The following EPB41L3 variants were observed in gnomAD, a reference collection of about 807,000 sequenced individuals.
EPB41L3 encodes erythrocyte membrane protein band 4.1 like 3, also known as band 4.1-like protein 3.
In EPB41L3, 57 loss-of-function variants were observed where a neutral mutation model predicts 127.1. The ratio of observed to expected loss-of-function variants is 0.45; its 90% CI spans 0.36 to 0.56. The LOEUF is 0.56. Among genes scored for constraint, EPB41L3 ranks in the 20% least tolerant of loss-of-function variants. The pLI, the probability that EPB41L3 is intolerant of heterozygous loss-of-function variation, is 0.00. For synonymous variants in EPB41L3, 572 were observed against 549.5 expected (o/e 1.04, Z -0.57); for missense variants, 1,273 against 1,372.2 (o/e 0.93, Z 1.14).
intron 3 of EPB41L3, among the ~76,000 whole-genome samples, chr18:5,455,669 T>C (rs1468374032): frequency 2.0e-5 from 3 of 151,556 alleles, no homozygotes; most frequent in African/African-American, 7.3e-5. Flanking sequence ...AATTTCCGTC[T>C]CTACTTGAAA....
chr18:5,407,009 C>T, intron 15 of EPB41L3, 41 bp from the exon 16 acceptor site: 2 of 1,562,810 alleles, frequency 1.3e-6, no homozygotes. Flanking sequence ...CAATGTTTTA[C>T]ATTTGTGTTC....
chr18:5,629,502 T>C (rs2094964831), upstream of EPB41L3, among the ~76,000 whole-genome samples: 1 of 151,888 alleles, frequency 6.6e-6, no homozygotes, highest in Non-Finnish European at 1.5e-5. Flanking sequence ...TCAGAGCCAC[T>C]GTCCACTTGA....
At position 5,397,666 on chromosome 18, in the gene EPB41L3, G is replaced by T. The variant is rs73375708; in HGVS notation, c.2473-240C>A. ...GCTTCAGGACATCCGCAAAACAAAC[G>T]GAAGGCAGGATAAAGTGCAATTAAC... On this transcript the variant is annotated intron_variant, in intron 17 of 22. Coordinates refer to ENST00000341928, the MANE Select transcript of EPB41L3 (RefSeq NM_012307.5). This position sits in a 1 kb window ranked among gnomAD's most constrained non-coding sequence, Gnocchi z 4.1. Among the ~76,000 whole-genome samples the T allele has an allele frequency of 6.6e-6, 1 of 152,120 alleles. No individual in the cohort carries two copies. The highest frequency in any genetic ancestry group is 1.5e-5 in the Non-Finnish European group (1 of 68,026).
chr18:5,457,961 G>A (rs937622671), intron 3 of EPB41L3, among the ~76,000 whole-genome samples: 4 of 152,066 alleles, frequency 2.6e-5, no homozygotes, highest in Non-Finnish European at 2.9e-5. Context: ...GTTGTGGTCG[G>A]GGTAGCCTAC....
At chr18:5,445,371 G>C (rs1187170984) in intron 3 of EPB41L3, 127 bp from the exon 4 acceptor site, 3 of 718,522 alleles carry the variant, frequency 4.2e-6, no homozygotes, top group East Asian at 2.7e-5. Context: ...CCAACAGTGT[G>C]ATCACATTGC....
intron 16 of EPB41L3, chr18:5,398,630 C>T (rs1411508751): frequency 2.5e-6 from 1 of 401,618 alleles, no homozygotes; most frequent in Non-Finnish European, 4.4e-6. Context: ...AACTGTGGCC[C>T]CAATGAGTGA....
chr18:5,526,337 T>C (rs1015037983), intron 1 of EPB41L3, among the ~76,000 whole-genome samples: 1 of 152,144 alleles, frequency 6.6e-6, no homozygotes, highest in African/African-American at 2.4e-5. Flanking sequence ...GGTCCAGATG[T>C]CCCCACACCT....
At chr18:5,586,396 CT>C (rs1451745982) in intron 3 of EPB41L3, among the ~76,000 whole-genome samples, 5 of 111,650 alleles carry the variant, frequency 4.5e-5, no homozygotes, top group Non-Finnish European at 7.2e-5. Flanking sequence ...TTTTCTTTTT[CT>C]TTTTTGTTTT....
chr18:5,567,990 T>C (rs1258336560), intron 3 of EPB41L3, among the ~76,000 whole-genome samples: 1 of 152,110 alleles, frequency 6.6e-6, no homozygotes, highest in East Asian at 1.9e-4. Flanking sequence ...AATAAAATAT[T>C]TTCAAGCATA....
rs577852285 is a variant in EPB41L3 at position 5,586,838 on chromosome 18, A to T, written c.-306+25502T>A. ...TCTATGAAGCCTGACAACATAACAC[A>T]TTTACAGGCAGGTGTTGGAAAAACA... is the stretch of plus-strand genomic sequence containing the variant. On this transcript the variant is annotated intron_variant, in intron 3 of 21. Transcript: ENST00000545076. 8.3e-4 allele frequency among the ~76,000 whole-genome samples: 126 copies of T among 152,232 alleles called. 1 individual carries two copies. The highest frequency in any genetic ancestry group is 8.2e-3 in the Admixed American group (125 of 15,288).
Position 5,408,273 on chromosome 18 carries a change from CT to C in EPB41L3, c.2122-538del, listed in dbSNP as rs1208956534. Among the ~76,000 whole-genome samples, 474 of 50,404 alleles carry C rather than the reference CT, an allele frequency of 9.4e-3. 5 individuals carry two copies. Among genetic ancestry groups the C allele is most frequent in the South Asian group, 0.017 (24 of 1,452 alleles). 33.1% of individuals were successfully genotyped at this position (50,404 alleles called of 152,430 possible). On this transcript the variant is annotated intron_variant, in intron 14 of 22. Coordinates refer to ENST00000341928, the MANE Select transcript of EPB41L3 (RefSeq NM_012307.5). The stretch of plus-strand genomic sequence containing the variant: ...AGACCTTGATTTTCTTTTCTTTTTT[CT>C]TTTTTTTTTTTTTTTTTGAGACAGA...
At chr18:5,493,436 G>A (rs1000541197) in intron 1 of EPB41L3, among the ~76,000 whole-genome samples, 1 of 151,952 alleles carries the variant, frequency 6.6e-6, no homozygotes, top group Non-Finnish European at 1.5e-5. Flanking sequence ...AAATTTATAG[G>A]AGAAGTGGGT....
At chr18:5,441,229 C>T (rs1598967692) in intron 5 of EPB41L3, among the ~76,000 whole-genome samples, 1 of 152,042 alleles carries the variant, frequency 6.6e-6, no homozygotes, top group East Asian at 1.9e-4. Context: ...TTTGTTAGCT[C>T]GGTTTCCATT....
chr18:5,613,986 T>C (rs8083607), intron 2 of EPB41L3, among the ~76,000 whole-genome samples: 92,661 of 152,128 alleles, frequency 0.61, 30,262 homozygotes, highest in African/African-American at 0.85. Flanking sequence ...AGTTTTCAGT[T>C]ATCTTTGAGG....
intron 3 of EPB41L3, among the ~76,000 whole-genome samples, chr18:5,598,359 T>C (rs1341008600): frequency 6.6e-6 from 1 of 152,212 alleles, no homozygotes; most frequent in Non-Finnish European, 1.5e-5. Context: ...TGTAAAACAA[T>C]GCCATTCTAC....
chr18:5,533,322 T>C (rs145360573), intron 1 of EPB41L3, among the ~76,000 whole-genome samples: 1 of 152,332 alleles, frequency 6.6e-6, no homozygotes, highest in African/African-American at 2.4e-5. Context: ...TCTAAGAAAC[T>C]GATGCAATTC....
intron 3 of EPB41L3, chr18:5,467,314 T>C (rs2085176747): frequency 6.6e-6 from 1 of 152,248 alleles, no homozygotes; most frequent in Non-Finnish European, 1.5e-5. Context: ...CATGAGAGTA[T>C]AAACCAGAGC....
chr18:5,613,271 G>C (rs144929393), intron 2 of EPB41L3, among the ~76,000 whole-genome samples: 1 of 152,220 alleles, frequency 6.6e-6, no homozygotes, highest in Non-Finnish European at 1.5e-5. Context: ...CTTTTTTATA[G>C]AGTTACAGTA....
At chr18:5,403,680 A>G (rs140721696) in intron 16 of EPB41L3, among the ~76,000 whole-genome samples, 5 of 151,918 alleles carry the variant, frequency 3.3e-5, no homozygotes, top group African/African-American at 1.2e-4. Context: ...TTCTGACACA[A>G]AATAACCACT....
Sources: allele counts gnomAD v4.1 joint callset (sites outside exome capture counted in the v4.1 genomes callset), GRCh38; gene constraint gnomAD v4.1.1; non-coding constraint Gnocchi (gnomAD v3.1); transcripts MANE v1.5; gene names NCBI Gene and HGNC (gene_info 2026-07-23, HGNC 2026-07-21).